KMT2C: variants seen among roughly 807,000 people sequenced by gnomAD.
The protein encoded by KMT2C is histone-lysine N-methyltransferase 2C.
A neutral mutation model predicts 507.9 loss-of-function variants in KMT2C; 88 were observed. That is an observed-to-expected ratio of 0.17 (90% CI 0.15 to 0.21). The LOEUF (loss-of-function observed/expected upper bound fraction) is 0.21. Ranked by LOEUF, KMT2C falls within the 10% of genes least tolerant of loss-of-function variation. The pLI, the probability that KMT2C is intolerant of heterozygous loss-of-function variation, is 1.00. For missense variants in KMT2C, 4,954 were observed against 5,957.8 expected (o/e 0.83, Z 5.55); for synonymous variants, 2,049 against 2,080.8 (o/e 0.98, Z 0.42).
intron 6 of KMT2C, among the ~76,000 whole-genome samples, chr7:152,306,693 T>C (rs1186609701): frequency 1.3e-5 from 2 of 152,210 alleles, no homozygotes; most frequent in Non-Finnish European, 2.9e-5. Context: ...CTCCAAAAGA[T>C]GTGTACCAAT....
At chr7:152,422,638 G>C (rs1198977870) in intron 1 of KMT2C, among the ~76,000 whole-genome samples, 1 of 152,052 alleles carries the variant, frequency 6.6e-6, no homozygotes, top group African/African-American at 2.4e-5. Flanking sequence ...AAGTGGTAAA[G>C]ACTATTTACT....
At chr7:152,291,365 T>C (rs369089670) in intron 6 of KMT2C, among the ~76,000 whole-genome samples, 34 of 152,406 alleles carry the variant, frequency 2.2e-4, no homozygotes, top group African/African-American at 8.2e-4. Context: ...GACACTATTA[T>C]ATAATAGTTC....
intron 9 of KMT2C, among the ~76,000 whole-genome samples, chr7:152,255,927 G>T (rs1480096275): frequency 6.6e-6 from 1 of 152,202 alleles, no homozygotes; most frequent in East Asian, 1.9e-4. Flanking sequence ...CCAGCACTTT[G>T]GGAGGCCGAG....
chr7:152,263,117 C>A lies in KMT2C; in HGVS notation c.1198G>T (p.Asp400Tyr). Residue 400 changes from aspartate (D) to tyrosine (Y), a missense_variant, in exon 9 of 59, where the codon GAT becomes TAT. Coordinates refer to ENST00000262189, the MANE Select transcript of KMT2C (RefSeq NM_170606.3). ...VCQNCKQSGE[D>Y]SKMLVCDTCD... ...GTATCACACACTAGCATCTTGCTAT[C>A]TTCTCCCGATTGTCTAAAAAATAAG... The A allele has an allele frequency of 6.2e-7, 1 of 1,609,950 alleles. No homozygotes were observed. The highest frequency in any genetic ancestry group is 8.5e-7 in the Non-Finnish European group (1 of 1,179,132).
intron 6 of KMT2C, among the ~76,000 whole-genome samples, chr7:152,303,740 C>T (rs1563790574): frequency 6.6e-6 from 1 of 152,164 alleles, no homozygotes; most frequent in Non-Finnish European, 1.5e-5. Context: ...GTAATCTTAG[C>T]ACTTGGGGAG....
chr7:152,228,229 A>T (rs1409013818), intron 18 of KMT2C, among the ~76,000 whole-genome samples: 1 of 152,192 alleles, frequency 6.6e-6, no homozygotes, highest in Non-Finnish European at 1.5e-5. Context: ...AAATCCTCAT[A>T]AACAAAAACT....
intron 38 of KMT2C, 61 bp downstream of exon 38, chr7:152,176,130 C>T (rs2129112404): frequency 7.2e-7 from 1 of 1,380,934 alleles, no homozygotes; most frequent in Non-Finnish European, 9.9e-7. Flanking sequence ...ATCTTATAAG[C>T]ATATCGCATG....
intron 20 of KMT2C, among the ~76,000 whole-genome samples, chr7:152,223,709 G>A (rs1304362772): frequency 6.6e-6 from 1 of 152,058 alleles, no homozygotes; most frequent in African/African-American, 2.4e-5. Flanking sequence ...CAGGAGAATC[G>A]CTTGAACCCA....
chr7:152,274,379 T>C (rs2096039650), intron 6 of KMT2C, among the ~76,000 whole-genome samples: 1 of 152,060 alleles, frequency 6.6e-6, no homozygotes, highest in African/African-American at 2.4e-5. Flanking sequence ...AACACAAAAC[T>C]ACATACTTCA....
chr7:152,434,519 T>C (rs534409182), intron 1 of KMT2C, among the ~76,000 whole-genome samples: 7 of 152,210 alleles, frequency 4.6e-5, no homozygotes, highest in Admixed American at 4.6e-4. Context: ...AAACAGCCTA[T>C]CCATAAACGT....
chr7:152,344,634 AAG>A (rs1314514299), intron 2 of KMT2C, among the ~76,000 whole-genome samples: 4 of 152,038 alleles, frequency 2.6e-5, no homozygotes, highest in South Asian at 2.1e-4. Flanking sequence ...CAAAAAAAAA[AAG>A]AGAGAACTGT....
chr7:152,299,816 T>C (rs1266173263), intron 6 of KMT2C, among the ~76,000 whole-genome samples: 1 of 151,884 alleles, frequency 6.6e-6, no homozygotes, highest in African/African-American at 2.4e-5. Flanking sequence ...TATGTTTTTA[T>C]CAGAGAAATA....
At chr7:152,204,405 G>A (rs150896990) in intron 25 of KMT2C, among the ~76,000 whole-genome samples, 10 of 152,216 alleles carry the variant, frequency 6.6e-5, no homozygotes, top group African/African-American at 2.2e-4. Context: ...GGCCAGCCTG[G>A]GCAACAAAGT....
intron 9 of KMT2C, among the ~76,000 whole-genome samples, chr7:152,257,818 C>A (rs1273234201): frequency 6.6e-6 from 1 of 151,964 alleles, no homozygotes; most frequent in Non-Finnish European, 1.5e-5. Flanking sequence ...TTGGGCCACA[C>A]ACAAGATACA....
intron 9 of KMT2C, among the ~76,000 whole-genome samples, chr7:152,262,524 TG>T (rs2095797203): frequency 6.6e-6 from 1 of 152,224 alleles, no homozygotes; most frequent in Non-Finnish European, 1.5e-5. Flanking sequence ...CGGCATTTTT[TG>T]TAATAGCTCA....
chr7:152,283,156 A>G (rs1158532411), intron 6 of KMT2C, among the ~76,000 whole-genome samples: 1 of 152,292 alleles, frequency 6.6e-6, no homozygotes, highest in Non-Finnish European at 1.5e-5. Flanking sequence ...TCCACATAAA[A>G]CATCCACCCC....
intron 7 of KMT2C, among the ~76,000 whole-genome samples, chr7:152,269,703 A>T (rs1327885900): frequency 6.6e-6 from 1 of 152,200 alleles, no homozygotes; most frequent in Middle Eastern, 3.2e-3. Context: ...TTTACTACTG[A>T]TCAATGAAAG....
intron 1 of KMT2C, among the ~76,000 whole-genome samples, chr7:152,434,358 A>G (rs1388712063): frequency 6.6e-6 from 1 of 152,210 alleles, no homozygotes; most frequent in African/African-American, 2.4e-5. Flanking sequence ...TCATAGTAAA[A>G]GGACAGCGGG....
intron 2 of KMT2C, among the ~76,000 whole-genome samples, chr7:152,351,733 C>T (rs2097112458): frequency 6.6e-6 from 1 of 152,194 alleles, no homozygotes; most frequent in Non-Finnish European, 1.5e-5. Context: ...AATCTCTGAA[C>T]ATAAATTGTG....
Sources: allele counts gnomAD v4.1 joint callset (sites outside exome capture counted in the v4.1 genomes callset), GRCh38; gene constraint gnomAD v4.1.1; transcripts MANE v1.5; gene names NCBI Gene and HGNC (gene_info 2026-07-23, HGNC 2026-07-21).